The following MYO1F variants were observed in gnomAD, a reference collection of about 807,000 sequenced individuals.
MYO1F encodes the protein myosin IF.
MYO1F carries 60 observed loss-of-function variants against 146.6 expected under a neutral mutation model. That is an observed-to-expected ratio of 0.41 (90% confidence interval 0.33 to 0.51). MYO1F has a LOEUF of 0.51. Ranked by LOEUF, MYO1F falls within the 20% of genes least tolerant of loss-of-function variation. MYO1F has a pLI of 0.25. For synonymous variants in MYO1F, 602 were observed against 602.1 expected (o/e 1.00, Z 0.00); for missense variants, 1,274 against 1,534.3 (o/e 0.83, Z 2.83).
At chr19:8,565,533 ACT>A (rs1457291009) in intron 1 of MYO1F, among the ~76,000 whole-genome samples, 5 of 151,666 alleles carry the variant, frequency 3.3e-5, no homozygotes, top group African/African-American at 7.2e-5. Flanking sequence ...CAAGTGCGAA[ACT>A]CTGTCTCGAA....
At position 8,555,644 on chromosome 19, in the gene MYO1F, C is replaced by G; in HGVS notation, c.141+15G>C. 6.2e-7 allele frequency: 1 copy of G among 1,614,098 alleles called. No individual in the cohort carries two copies. Among genetic ancestry groups the G allele is most frequent in the Non-Finnish European group, 8.5e-7 (1 of 1,180,020 alleles). ...CCTTCCCTGCCTGCCCACCCCCAGC[C>G]TTGGCCCAGGGTACGAAGATGTAGT... On this transcript the variant is annotated intron_variant, in intron 2 of 27. Coordinates refer to ENST00000644032, the MANE Select transcript of MYO1F (RefSeq NM_012335.4).
Position 8,550,309 on chromosome 19 carries a change from G to C in MYO1F, c.952C>G (p.Gln318Glu). 6.2e-7 allele frequency: 1 copy of C among 1,613,822 alleles called. No homozygotes were observed. Among genetic ancestry groups the C allele is most frequent in the Non-Finnish European group, 8.5e-7 (1 of 1,179,910 alleles). The change falls in exon 10 of 28, where the codon CAG becomes GAG. Residue 318 changes from glutamine to glutamate, a missense_variant. Gln to Glu is a conservative substitution (Grantham distance 29, BLOSUM62 2). Transcript: ENST00000644032. ...ATCTTGCGGCTGGTCAGCTTCTCCT[G>C]CAGTCGCCCGCTGTCAATGCCCAGC... is the stretch of plus-strand genomic sequence containing the variant. The part of the protein sequence containing the change: ...YLLGIDSGRL[Q>E]EKLTSRKMDS...
chr19:8,548,592 CT>C (rs1288175114), intron 10 of MYO1F, among the ~76,000 whole-genome samples: 75 of 139,350 alleles, frequency 5.4e-4, no homozygotes, highest in African/African-American at 1.2e-3. Context: ...CCTCTATTTT[CT>C]TTTTTTTTTT....
At chr19:8,556,100 C>T (rs1223744188) in intron 1 of MYO1F, among the ~76,000 whole-genome samples, 1 of 151,614 alleles carries the variant, frequency 6.6e-6, no homozygotes, top group Non-Finnish European at 1.5e-5. Context: ...GTGATCTCTG[C>T]TCACTGCAAC....
intron 14 of MYO1F, among the ~76,000 whole-genome samples, chr19:8,542,549 C>T (rs1304925768): frequency 1.3e-5 from 2 of 151,528 alleles, no homozygotes; most frequent in South Asian, 4.2e-4. Context: ...AGGGCTTTTG[C>T]AACCCTGGCT....
At chr19:8,574,577 T>TTCTCTCTC (rs369077601) in intron 1 of MYO1F, among the ~76,000 whole-genome samples, 19 of 79,782 alleles carry the variant, frequency 2.4e-4, no homozygotes, top group South Asian at 1.4e-3. Context: ...CTTTCTTTCT[T>TTCTCTCTC]TCTCTCTCTC....
intron 19 of MYO1F, among the ~76,000 whole-genome samples, chr19:8,532,359 T>A (rs1434572325): frequency 1.3e-5 from 2 of 152,006 alleles, no homozygotes; most frequent in Admixed American, 1.3e-4. Context: ...TTACAGCAAG[T>A]CAAAGTACAA....
intron 25 of MYO1F, 188 bp downstream of exon 25, chr19:8,525,291 T>TCGCCG: frequency 3.5e-6 from 2 of 564,100 alleles, no homozygotes; most frequent in Non-Finnish European, 6.3e-6. Flanking sequence ...TGGGTTTGGG[T>TCGCCG]TTTGAAGGGC....
chr19:8,574,551 C>CTTTCTT (rs2042170854), intron 1 of MYO1F, among the ~76,000 whole-genome samples: 1 of 86,002 alleles, frequency 1.2e-5, no homozygotes, highest in Non-Finnish European at 2.4e-5. Context: ...TTCTTTCTTT[C>CTTTCTT]TTTCTTTCTT....
chr19:8,565,290 C>T (rs1568372674), intron 1 of MYO1F, among the ~76,000 whole-genome samples: 1 of 152,032 alleles, frequency 6.6e-6, no homozygotes, highest in African/African-American at 2.4e-5. Flanking sequence ...CGCCTGTAAT[C>T]CCAGCACTTT....
intron 10 of MYO1F, among the ~76,000 whole-genome samples, chr19:8,548,762 G>A (rs1241135453): frequency 3.3e-5 from 5 of 151,578 alleles, no homozygotes; most frequent in African/African-American, 1.2e-4. Context: ...CACCACGCCC[G>A]GCTAATTTTT....
Position 8,530,203 on chromosome 19 carries a change from C to T in MYO1F, c.2321G>A (p.Arg774His), listed in dbSNP as rs772218675. The stretch of plus-strand genomic sequence containing the variant: ...CACCCACTAGTGCCTCACCTTGAAG[C>T]GGCGGTCGTACTTGGTGACCGAATC... ...FADSVTKYDR[R>H]FKPIKRDLIL... The change falls in exon 21 of 28, where the codon CGC (arginine) becomes CAC (histidine). Residue 774 changes from arginine to histidine, a missense_variant. Around this residue, in one of 2 missense-constraint regions of MYO1F, gnomAD observed 900 missense variants for 1,155.1 expected, o/e 0.78. Coordinates refer to ENST00000644032, the MANE Select transcript of MYO1F (RefSeq NM_012335.4). This position sits in a 1 kb window ranked among gnomAD's most constrained non-coding sequence, Gnocchi z 5.8. 6.2e-6 allele frequency: 10 copies of T among 1,613,894 alleles called. No homozygotes were observed. Among genetic ancestry groups the T allele is most frequent in the Admixed American group, 1.7e-5 (1 of 59,976 alleles).
chr19:8,548,178 T>A, intron 11 of MYO1F, 56 bp from the exon 12 acceptor site: 1 of 1,613,370 alleles, frequency 6.2e-7, no homozygotes, highest in Non-Finnish European at 8.5e-7. Flanking sequence ...GAAGTTCTTG[T>A]GGCCACCCTG....
chr19:8,536,924 T>C (rs1170245092), intron 17 of MYO1F, 25 bp downstream of exon 17: 2 of 1,280,374 alleles, frequency 1.6e-6, no homozygotes, highest in East Asian at 4.4e-5. Flanking sequence ...GGGGAATGAA[T>C]CTTGGATTGG....
At chr19:8,533,777 G>A (rs556241579) in intron 19 of MYO1F, among the ~76,000 whole-genome samples, 51 of 152,288 alleles carry the variant, frequency 3.3e-4, no homozygotes, top group Middle Eastern at 3.4e-3. Context: ...GGAGTTTGTG[G>A]AACTTTGTTT....
At chr19:8,541,421 G>GTTTTTTTTTTTTT (rs1336052012) in intron 15 of MYO1F, among the ~76,000 whole-genome samples, 1 of 130,280 alleles carries the variant, frequency 7.7e-6, no homozygotes, top group African/African-American at 3.0e-5. Context: ...GTGTGTGTGT[G>GTTTTTTTTTTTTT]TGTGTTTTTT....
At chr19:8,545,374 C>T (rs938470115) in intron 13 of MYO1F, 4 of 431,594 alleles carry the variant, frequency 9.3e-6, no homozygotes, top group African/African-American at 6.1e-5. Context: ...CAGGCGTGAG[C>T]CACCGGCATG....
Position 8,574,136 on chromosome 19 carries a change from T to C in MYO1F, c.3+3171A>G, listed in dbSNP as rs114632106. On this transcript the variant is annotated intron_variant, in intron 1 of 27. Coordinates refer to ENST00000644032, the MANE Select transcript of MYO1F (RefSeq NM_012335.4). ...CTCCAGAATTTCCAGCTGAAAACAA[T>C]CCACCACCAACGAACAACATTAAAC... Among the ~76,000 whole-genome samples the C allele has an allele frequency of 6.6e-3, 1,007 of 151,808 alleles. 15 individuals carry two copies. Among genetic ancestry groups the C allele is most frequent in the African/African-American group, 0.023 (946 of 41,360 alleles).
At chr19:8,559,609 C>G (rs1973993389) in intron 1 of MYO1F, among the ~76,000 whole-genome samples, 1 of 151,992 alleles carries the variant, frequency 6.6e-6, no homozygotes, top group South Asian at 2.1e-4. Flanking sequence ...TGCCCCTCCC[C>G]AAGCCTGAGT....
Sources: allele counts gnomAD v4.1 joint callset (sites outside exome capture counted in the v4.1 genomes callset), GRCh38; gene constraint gnomAD v4.1.1; regional missense constraint gnomAD v4.1.1; non-coding constraint Gnocchi (gnomAD v3.1); transcripts MANE v1.5; gene names NCBI Gene and HGNC (gene_info 2026-07-23, HGNC 2026-07-21).